COL18A1: variants seen among roughly 807,000 people sequenced by gnomAD.
The protein encoded by COL18A1 is collagen type XVIII alpha 1 chain.
In COL18A1, 133 loss-of-function variants were observed where a neutral mutation model predicts 168.0. That is an observed-to-expected ratio of 0.79 (90% confidence interval 0.69 to 0.91). The LOEUF is 0.91. Among genes scored for constraint, COL18A1 ranks in the 40% least tolerant of loss-of-function variants. COL18A1 has a pLI of 0.00. For synonymous variants in COL18A1, 949 were observed against 809.0 expected (o/e 1.17, Z -2.94); for missense variants, 2,126 against 1,925.4 (o/e 1.10, Z -1.95).
At chr21:45,458,323 G>A (rs910362028) in intron 2 of COL18A1, among the ~76,000 whole-genome samples, 1 of 151,818 alleles carries the variant, frequency 6.6e-6, no homozygotes, top group African/African-American at 2.4e-5. Context: ...GCCCACGGCT[G>A]TTGGCATCTC....
Position 45,503,993 on chromosome 21 carries a change from C to G in COL18A1, c.2684-18C>G. On this transcript the variant is annotated intron_variant, in intron 32 of 41. Coordinates refer to ENST00000651438, the MANE Select transcript of COL18A1 (RefSeq NM_001379500.1). ...CAGACACCACCTCAGCGAGACCCCG[C>G]CTGTCTCTCTCTTGCAGGGCAGTTT... is the stretch of plus-strand genomic sequence containing the variant. The G allele has an allele frequency of 1.2e-6, 2 of 1,613,428 alleles. No individual in the cohort carries two copies. Among genetic ancestry groups the G allele is most frequent in the Non-Finnish European group, 1.7e-6 (2 of 1,179,938 alleles).
intron 22 of COL18A1, 80 bp from the exon 23 acceptor site, chr21:45,492,455 T>C (rs933004715): frequency 7.8e-6 from 12 of 1,530,948 alleles, no homozygotes; most frequent in Non-Finnish European, 9.0e-6. Flanking sequence ...TGGTGTTTTG[T>C]TGATCTGTAA....
intron 6 of COL18A1, among the ~76,000 whole-genome samples, chr21:45,476,797 C>T (rs78440031): frequency 2.8e-4 from 42 of 148,980 alleles, no homozygotes; most frequent in East Asian, 9.9e-4. Context: ...GTGTGTGTTG[C>T]GTGTAGTGTA....
Position 45,425,321 on chromosome 21 carries a change from C to G in COL18A1, c.106+19848C>G, listed in dbSNP as rs1259451126. On this transcript the variant is annotated intron_variant, in intron 2 of 41. Transcript: ENST00000651438. This position sits in a 1 kb window ranked among gnomAD's most constrained non-coding sequence, Gnocchi z 4.1. ...GTGAGTGCAGTGTGACCGCGTCCAC[C>G]TGTCTCCCTGGACACGCCTGTCAGA... Among the ~76,000 whole-genome samples, 1 of 152,208 alleles carries G rather than the reference C, an allele frequency of 6.6e-6. No homozygotes were observed. The highest frequency in any genetic ancestry group is 2.4e-5 in the African/African-American group (1 of 41,460).
At chr21:45,416,436 A>G (rs1007229748) in intron 2 of COL18A1, among the ~76,000 whole-genome samples, 12 of 151,074 alleles carry the variant, frequency 7.9e-5, no homozygotes, top group Admixed American at 3.3e-4. Flanking sequence ...GAGGCTCCGC[A>G]CTGGTGTGGG....
chr21:45,474,061 A>C, intron 4 of COL18A1, 80 bp downstream of exon 4: 1 of 1,134,762 alleles, frequency 8.8e-7, no homozygotes, highest in Non-Finnish European at 1.3e-6. Context: ...CTATGACAGG[A>C]AAAGTCCCAA....
At chr21:45,436,658 A>T (rs1234057842) in intron 2 of COL18A1, among the ~76,000 whole-genome samples, 2 of 55,656 alleles carry the variant, frequency 3.6e-5, no homozygotes, top group African/African-American at 6.8e-5. Flanking sequence ...GGTGGGGCTG[A>T]GGCTGGGGGA....
intron 10 of COL18A1, 52 bp downstream of exon 10, chr21:45,480,016 A>G (rs898790907): frequency 2.5e-6 from 4 of 1,613,096 alleles, no homozygotes; most frequent in Non-Finnish European, 3.4e-6. Flanking sequence ...CCTTGGCTCA[A>G]GGTGGGGGCT....
chr21:45,413,016 G>A (rs1442837169), intron 2 of COL18A1, among the ~76,000 whole-genome samples: 1 of 152,176 alleles, frequency 6.6e-6, no homozygotes, highest in Non-Finnish European at 1.5e-5. Context: ...GGGGATGGTG[G>A]AGCGTCATGG....
chr21:45,445,734 C>A (rs988223888), intron 2 of COL18A1, among the ~76,000 whole-genome samples: 1 of 152,116 alleles, frequency 6.6e-6, no homozygotes, highest in South Asian at 2.1e-4. Flanking sequence ...TCTTTCTTGG[C>A]GATCTGTATT....
rs1220214438 is a variant in COL18A1 at position 45,504,469 on chromosome 21, C to CG, written c.2786dup (p.Gly930ArgfsTer157). The CG allele has an allele frequency of 1.2e-6, 2 of 1,608,040 alleles. No homozygotes were observed. The highest frequency in any genetic ancestry group is 1.7e-6 in the Non-Finnish European group (2 of 1,177,600). Reference sequence around the variant, plus strand: ...GACAGAAAGGCGAAAGGGGGGAGCCCGGGGGCGGCGGTTTCTTCGGCTCCA... The same window carrying CG: ...GACAGAAAGGCGAAAGGGGGGAGCCCGGGGGGCGGCGGTTTCTTCGGCTCCA... On this transcript the variant is annotated frameshift_variant, in exon 34 of 42. Transcript: ENST00000651438. LOFTEE classifies it high-confidence loss of function.
intron 16 of COL18A1, 105 bp downstream of exon 16, chr21:45,487,097 G>GCCAGCAAGGCCACC: frequency 8.7e-7 from 1 of 1,143,694 alleles, no homozygotes; most frequent in Non-Finnish European, 1.2e-6. Flanking sequence ...CCTGGGCGGT[G>GCCAGCAAGGCCACC]GCCTTGCTGG....
intron 19 of COL18A1, 128 bp downstream of exon 19, chr21:45,489,649 T>C (rs1242788619): frequency 4.5e-6 from 3 of 665,080 alleles, no homozygotes; most frequent in African/African-American, 1.9e-5. Context: ...TTCTTTATAA[T>C]TGAAGACGTG....
At chr21:45,441,340 C>G (rs887860766) in intron 2 of COL18A1, among the ~76,000 whole-genome samples, 1 of 152,236 alleles carries the variant, frequency 6.6e-6, no homozygotes, top group Non-Finnish European at 1.5e-5. Flanking sequence ...GGGCAAGACG[C>G]TGCCCCTACT....
At chr21:45,435,993 G>T (rs1440704254) in intron 2 of COL18A1, among the ~76,000 whole-genome samples, 2 of 152,176 alleles carry the variant, frequency 1.3e-5, no homozygotes, top group African/African-American at 4.8e-5. Context: ...GCCCAGGCAG[G>T]GTGGCCAATT....
intron 2 of COL18A1, among the ~76,000 whole-genome samples, chr21:45,441,397 C>T (rs2034366667): frequency 6.6e-6 from 1 of 151,238 alleles, no homozygotes; most frequent in African/African-American, 2.4e-5. Context: ...TAGAGTTTTC[C>T]TGTGTTAAAT....
chr21:45,414,673 C>T (rs2123516623), intron 2 of COL18A1, among the ~76,000 whole-genome samples: 1 of 152,352 alleles, frequency 6.6e-6, no homozygotes, highest in South Asian at 2.1e-4. Context: ...CAGAAAACAG[C>T]CCTGCCCGCC....
intron 2 of COL18A1, among the ~76,000 whole-genome samples, chr21:45,453,312 C>G (rs941606480): frequency 2.0e-5 from 3 of 151,994 alleles, no homozygotes; most frequent in African/African-American, 7.3e-5. Flanking sequence ...TGTGAGTATT[C>G]ACATGTGACA....
At chr21:45,492,493 C>G in intron 22 of COL18A1, 42 bp from the exon 23 acceptor site, 1 of 1,612,534 alleles carries the variant, frequency 6.2e-7, no homozygotes, top group Non-Finnish European at 8.5e-7. Flanking sequence ...GAATTTTAAA[C>G]GCGGCTCTTT....
Sources: gnomAD v4.1 joint callset for allele counts (sites outside exome capture counted in the v4.1 genomes callset) on GRCh38, gnomAD v4.1.1 for gene constraint, Gnocchi (gnomAD v3.1) non-coding constraint, MANE v1.5 for transcripts, NCBI Gene and HGNC (gene_info 2026-07-23, HGNC 2026-07-21) for gene names.